The following LCLAT1 variants were observed in gnomAD, a reference collection of about 807,000 sequenced individuals.
LCLAT1 encodes lysocardiolipin acyltransferase 1.
Under a neutral mutation model 30.7 loss-of-function variants are expected in LCLAT1, and 11 were observed. The ratio of observed to expected loss-of-function variants is 0.36; its 90% confidence interval spans 0.23 to 0.59. The LOEUF is 0.59. Among genes scored for constraint, LCLAT1 ranks in the 20% least tolerant of loss-of-function variants. LCLAT1 has a pLI of 0.77. For synonymous variants in LCLAT1, 155 were observed against 151.3 expected, an observed-to-expected ratio of 1.02 and a Z score of -0.18; for missense variants, 402 against 458.6, an observed-to-expected ratio of 0.88 and a Z score of 1.13.
intron 3 of LCLAT1, among the ~76,000 whole-genome samples, chr2:30,557,796 AT>A (rs1448439989): frequency 6.6e-6 from 1 of 152,096 alleles, no homozygotes; most frequent in Non-Finnish European, 1.5e-5. Flanking sequence ...ATAAAGGAGT[AT>A]TTTTATGTTT....
intron 4 of LCLAT1, 109 bp from the exon 5 acceptor site, chr2:30,567,951 A>G (rs1052077858): frequency 1.1e-4 from 67 of 618,654 alleles, no homozygotes; most frequent in African/African-American, 1.1e-3. Flanking sequence ...TTCAGTAATT[A>G]GAGAATAATT....
chr2:30,476,299 G>C (rs548147847), intron 1 of LCLAT1: 1 of 438,020 alleles, frequency 2.3e-6, no homozygotes, highest in African/African-American at 2.0e-5. Flanking sequence ...AATTTGCCCA[G>C]GGTCACACAG....
chr2:30,602,972 G>GAGTT (rs1667263756), intron 5 of LCLAT1, among the ~76,000 whole-genome samples: 1 of 152,282 alleles, frequency 6.6e-6, no homozygotes, highest in Non-Finnish European at 1.5e-5. Flanking sequence ...GGAAAGAATT[G>GAGTT]AGTTAGAATC....
intron 1 of LCLAT1, among the ~76,000 whole-genome samples, chr2:30,448,498 G>A (rs962088440): frequency 2.0e-5 from 3 of 152,186 alleles, no homozygotes; most frequent in African/African-American, 7.2e-5. Context: ...TGATTTTATG[G>A]AGTAGTACCT....
intron 3 of LCLAT1, among the ~76,000 whole-genome samples, chr2:30,542,810 G>A (rs886545135): frequency 6.6e-6 from 1 of 151,540 alleles, no homozygotes; most frequent in African/African-American, 2.4e-5. Context: ...CCAGTTTATA[G>A]AAATGCAGTT....
chr2:30,484,479 G>A (rs1319664665), intron 1 of LCLAT1, among the ~76,000 whole-genome samples: 1 of 151,926 alleles, frequency 6.6e-6, no homozygotes, highest in Non-Finnish European at 1.5e-5. Context: ...TAAATTTTGG[G>A]GGTTTTCTCA....
At chr2:30,500,549 A>G (rs1684325529) in intron 1 of LCLAT1, among the ~76,000 whole-genome samples, 1 of 152,188 alleles carries the variant, frequency 6.6e-6, no homozygotes, top group Admixed American at 6.5e-5. Context: ...TCTAGTTACA[A>G]AGCCATCTGA....
chr2:30,592,373 G>A (rs1323460647), intron 5 of LCLAT1, among the ~76,000 whole-genome samples: 2 of 152,114 alleles, frequency 1.3e-5, no homozygotes, highest in South Asian at 2.1e-4. Context: ...CCAGCTACAC[G>A]GGAGGTTGAG....
intron 5 of LCLAT1, among the ~76,000 whole-genome samples, chr2:30,604,756 C>G (rs942506377): frequency 1.1e-4 from 16 of 151,910 alleles, no homozygotes; most frequent in African/African-American, 3.1e-4. Flanking sequence ...CTTTGCTTAC[C>G]CGTGCTTTAA....
At chr2:30,538,262 C>T (rs143012929) in intron 3 of LCLAT1, among the ~76,000 whole-genome samples, 1,541 of 152,056 alleles carry the variant, frequency 0.01, 10 homozygotes, top group Middle Eastern at 0.017. Context: ...CTAAAAAATA[C>T]AAAGGGTCAA....
At position 30,641,124 on chromosome 2, in the gene LCLAT1, G is replaced by GA. The variant is rs1390576115; in HGVS notation, c.*509dup. On this transcript the variant is annotated 3_prime_UTR_variant, in exon 6 of 6. Transcript: ENST00000379509. ...CAAACCCATCTCATCCTTAAGATCAGAAAATGGAACCCCCTTTGTCGTGAA... is the reference window on the plus strand; with the variant it reads ...CAAACCCATCTCATCCTTAAGATCAGAAAAATGGAACCCCCTTTGTCGTGAA... 1 of 152,868 alleles carries GA rather than the reference G, an allele frequency of 6.5e-6. No homozygotes were observed. Among genetic ancestry groups the GA allele is most frequent in the African/African-American group, 2.4e-5 (1 of 41,408 alleles). 9.5% of individuals were successfully genotyped at this position (152,868 alleles called of 1,614,324 possible). A position where few individuals can be genotyped will look rare whatever the true frequency, so the allele number is the denominator to read the frequency against.
chr2:30,638,967 C>A (rs960906050), intron 5 of LCLAT1, among the ~76,000 whole-genome samples: 1 of 152,106 alleles, frequency 6.6e-6, no homozygotes. Context: ...ACCTCTTTTG[C>A]CCTTGGTCCT....
chr2:30,472,760 A>G (rs1439603203), intron 1 of LCLAT1, among the ~76,000 whole-genome samples: 1 of 152,168 alleles, frequency 6.6e-6, no homozygotes, highest in African/African-American at 2.4e-5. Context: ...GTTTTCCTAA[A>G]TATTTTTAGG....
chr2:30,464,904 A>G (rs1454502560), intron 1 of LCLAT1, among the ~76,000 whole-genome samples: 3 of 152,018 alleles, frequency 2.0e-5, no homozygotes, highest in African/African-American at 7.3e-5. Context: ...TTTTTTACAT[A>G]GAGATGGAAT....
intron 1 of LCLAT1, among the ~76,000 whole-genome samples, chr2:30,483,400 C>T (rs1411811403): frequency 6.6e-6 from 1 of 152,142 alleles, no homozygotes; most frequent in Non-Finnish European, 1.5e-5. Context: ...ATTTTTATAA[C>T]CATCTTTAGA....
chr2:30,623,399 C>T (rs575135209), intron 5 of LCLAT1, among the ~76,000 whole-genome samples: 2 of 152,094 alleles, frequency 1.3e-5, no homozygotes, highest in Admixed American at 1.3e-4. Context: ...GAAAACCGTC[C>T]ACAGAAATAG....
intron 1 of LCLAT1, among the ~76,000 whole-genome samples, chr2:30,485,367 A>T (rs1683515132): frequency 6.6e-6 from 1 of 152,112 alleles, no homozygotes; most frequent in Non-Finnish European, 1.5e-5. Flanking sequence ...TTTTTTGGAC[A>T]GCTTTTTTCT....
intron 5 of LCLAT1, among the ~76,000 whole-genome samples, chr2:30,628,613 T>C (rs966435995): frequency 4.5e-4 from 68 of 152,128 alleles, no homozygotes; most frequent in African/African-American, 1.6e-3. Flanking sequence ...ACTAGATATC[T>C]ATATATGTGA....
At chr2:30,495,822 A>G (rs1684081729) in intron 1 of LCLAT1, among the ~76,000 whole-genome samples, 1 of 152,200 alleles carries the variant, frequency 6.6e-6, no homozygotes, top group South Asian at 2.1e-4. Flanking sequence ...AAAGATTTAC[A>G]TGAAAACATT....
Sources: allele counts gnomAD v4.1 joint callset (sites outside exome capture counted in the v4.1 genomes callset), GRCh38; gene constraint gnomAD v4.1.1; transcripts MANE v1.5; gene names NCBI Gene and HGNC (gene_info 2026-07-23, HGNC 2026-07-21).